TENM2: variants seen among roughly 807,000 people sequenced by gnomAD.
The protein encoded by TENM2 is teneurin transmembrane protein 2.
A neutral mutation model predicts 245.2 loss-of-function variants in TENM2; 52 were observed. The observed-to-expected ratio is 0.21, with a 90% CI of 0.17 to 0.27. The LOEUF is 0.27. TENM2 is among the 10% of genes least tolerant of loss of function. TENM2 has a pLI of 1.00. For synonymous variants in TENM2, 1,363 were observed against 1,438.9 expected (o/e 0.95, Z 1.19); for missense variants, 3,046 against 3,666.8 (o/e 0.83, Z 4.37).
chr5:168,103,171 A>G (rs943629965), intron 9 of TENM2, among the ~76,000 whole-genome samples: 18 of 152,144 alleles, frequency 1.2e-4, no homozygotes, highest in Non-Finnish European at 2.4e-4. Flanking sequence ...TGAGAATGAC[A>G]GTTTCCAGCT....
chr5:167,011,593 C>T, the TENM2 span, among the ~76,000 whole-genome samples: 1 of 152,128 alleles, frequency 6.6e-6, no homozygotes, highest in Non-Finnish European at 1.5e-5. Context: ...AGATAGGGCA[C>T]AAGTAGGAGA....
chr5:167,329,951 T>G (rs190067253), intron 1 of TENM2, among the ~76,000 whole-genome samples: 2 of 152,314 alleles, frequency 1.3e-5, no homozygotes, highest in African/African-American at 4.8e-5. Context: ...TCTAGTACCA[T>G]TTATTATAAA....
intron 2 of TENM2, among the ~76,000 whole-genome samples, chr5:167,703,543 A>G (rs1201322894): frequency 6.8e-6 from 1 of 147,718 alleles, no homozygotes; most frequent in African/African-American, 2.6e-5. Context: ...AAAAAAAAAA[A>G]AAAAGGCTAC....
At chr5:167,898,602 G>C (rs1355439770) in intron 3 of TENM2, among the ~76,000 whole-genome samples, 5 of 152,202 alleles carry the variant, frequency 3.3e-5, no homozygotes, top group Admixed American at 1.3e-4. Context: ...AGTGTAAGAG[G>C]AGCTGGGGGA....
intron 1 of TENM2, chr5:167,296,475 G>C (rs4349736): frequency 1.3e-5 from 2 of 151,860 alleles, no homozygotes; most frequent in Non-Finnish European, 2.9e-5. Context: ...AGCGAGTTAA[G>C]TTAGTTTCAA....
In TENM2 at chr5:168,062,055, T is replaced by C. The variant is rs761785866; in HGVS notation, c.1310-5T>C. On this transcript the variant is annotated splice_polypyrimidine_tract_variant and splice_region_variant and intron_variant, in intron 6 of 28. Coordinates refer to ENST00000518659, the Ensembl canonical transcript of TENM2. ...ACTGCTGTTTATTCCTTTTTTTTTT[T>C]TCAGTGCCCTGGTCGTTGAAAAACA... The C allele has an allele frequency of 6.8e-5, 109 of 1,605,682 alleles. No homozygotes were observed. The highest frequency in any genetic ancestry group is 7.8e-5 in the Non-Finnish European group (92 of 1,177,476).
intron 2 of TENM2, among the ~76,000 whole-genome samples, chr5:167,515,475 G>A (rs943370486): frequency 6.6e-6 from 1 of 151,262 alleles, no homozygotes; most frequent in African/African-American, 2.4e-5. Flanking sequence ...CCTTTTCATT[G>A]CCAATGGGTT....
intron 3 of TENM2, among the ~76,000 whole-genome samples, chr5:167,907,090 G>A (rs1191786588): frequency 6.6e-6 from 1 of 152,020 alleles, no homozygotes; most frequent in Non-Finnish European, 1.5e-5. Flanking sequence ...AAATTAGCCG[G>A]GTGTGGTGGC....
chr5:167,647,557 A>C (rs1182367171), intron 2 of TENM2, among the ~76,000 whole-genome samples: 1 of 152,134 alleles, frequency 6.6e-6, no homozygotes, highest in Admixed American at 6.5e-5. Context: ...CGGGAGGCAG[A>C]GGTTGCAGTG....
rs5873049 is a variant in TENM2, at chr5:167,609,488, C to CAAAAAAAAAAAA, written c.502+234028_502+234039dup. 8.4e-3 allele frequency among the ~76,000 whole-genome samples: 310 copies of CAAAAAAAAAAAA among 36,694 alleles called. 6 individuals carry two copies. Among genetic ancestry groups the CAAAAAAAAAAAA allele is most frequent in the East Asian group, 0.022 (19 of 852 alleles). 24.1% of individuals were successfully genotyped at this position (36,694 alleles called of 152,430 possible). On this transcript the variant is annotated intron_variant, in intron 2 of 28. Coordinates refer to ENST00000518659, the Ensembl canonical transcript of TENM2. Reference sequence around the variant, plus strand: ...TGCCTTTTTTCTTTGCCTGATGATGCAAAAAAAAAAAAAAAAAAAAAAAAC... The same window carrying CAAAAAAAAAAAA: ...TGCCTTTTTTCTTTGCCTGATGATGCAAAAAAAAAAAAAAAAAAAAAAAAAAAAAAAAAAAAC...
intron 7 of TENM2, among the ~76,000 whole-genome samples, chr5:168,076,548 G>A (rs771033690): frequency 2.0e-5 from 3 of 152,020 alleles, no homozygotes; most frequent in Non-Finnish European, 1.5e-5. Flanking sequence ...TTTACTCACA[G>A]CTCTCCTCCC....
At chr5:167,418,678 A>G (rs1436394507) in intron 2 of TENM2, among the ~76,000 whole-genome samples, 3 of 152,302 alleles carry the variant, frequency 2.0e-5, no homozygotes, top group East Asian at 3.9e-4. Context: ...ATTAGATTCA[A>G]TCTTTACATT....
intron 2 of TENM2, among the ~76,000 whole-genome samples, chr5:167,700,212 T>A (rs1447763868): frequency 6.6e-6 from 1 of 152,122 alleles, no homozygotes; most frequent in Non-Finnish European, 1.5e-5. Flanking sequence ...AGATGGAACA[T>A]GAAATAAAGT....
At position 168,189,715 on chromosome 5, in the gene TENM2, C is replaced by G. The variant is rs200318992; in HGVS notation, c.2570-622C>G. 1.8e-4 allele frequency among the ~76,000 whole-genome samples: 28 copies of G among 152,246 alleles called. No individual in the cohort carries two copies. In the East Asian group the frequency reaches 2.9e-3, roughly 16 times the overall value. ...AGAGAGAGTGGGATAGAATACTTTT[C>G]TCCGTTAAAGTGAGATTTAAGGGAT... On this transcript the variant is annotated intron_variant, in intron 13 of 28. Coordinates refer to ENST00000518659, the Ensembl canonical transcript of TENM2.
chr5:167,526,379 C>CACACAT (rs1160044565), intron 2 of TENM2, among the ~76,000 whole-genome samples: 1 of 151,502 alleles, frequency 6.6e-6, no homozygotes, highest in African/African-American at 2.4e-5. Flanking sequence ...CACACACACA[C>CACACAT]ACACACACAC....
At chr5:167,622,705 G>A (rs1205689645) in intron 2 of TENM2, among the ~76,000 whole-genome samples, 1 of 152,078 alleles carries the variant, frequency 6.6e-6, no homozygotes, top group Non-Finnish European at 1.5e-5. Flanking sequence ...GCTTTAAGTA[G>A]CATTTCCAGG....
intron 27 of TENM2, among the ~76,000 whole-genome samples, chr5:168,253,322 TG>T (rs1249835465): frequency 1.3e-5 from 2 of 151,932 alleles, no homozygotes; most frequent in Non-Finnish European, 2.9e-5. Flanking sequence ...AGTCACCTTA[TG>T]GGGTCTTGAA....
chr5:167,257,425 C>G, the TENM2 span, among the ~76,000 whole-genome samples: 6 of 152,134 alleles, frequency 3.9e-5, no homozygotes, highest in South Asian at 1.2e-3. Flanking sequence ...AATGATACTT[C>G]AATGAATATC....
intron 9 of TENM2, among the ~76,000 whole-genome samples, chr5:168,101,983 C>T (rs1793851530): frequency 6.6e-6 from 1 of 152,150 alleles, no homozygotes; most frequent in Non-Finnish European, 1.5e-5. Flanking sequence ...TTTCATGGGA[C>T]AGAAGTATTA....
Sources: allele counts gnomAD v4.1 joint callset (sites outside exome capture counted in the v4.1 genomes callset), GRCh38; gene constraint gnomAD v4.1.1; transcripts MANE v1.5; gene names NCBI Gene and HGNC (gene_info 2026-07-23, HGNC 2026-07-21).